The following PRKCZ variants were observed in gnomAD, a reference collection of about 807,000 sequenced individuals.
PRKCZ encodes protein kinase C zeta.
Under a neutral mutation model 79.5 loss-of-function variants are expected in PRKCZ, and 33 were observed. The observed-to-expected ratio is 0.41, with a 90% CI of 0.31 to 0.55. The LOEUF (loss-of-function observed/expected upper bound fraction) is 0.55. Among genes scored for constraint, PRKCZ ranks in the 20% least tolerant of loss-of-function variants. PRKCZ has a pLI of 0.19. For synonymous variants in PRKCZ, 342 were observed against 320.9 expected (o/e 1.07, Z -0.70); for missense variants, 578 against 813.5 (o/e 0.71, Z 3.52).
chr1:2,090,732 G>T (rs1486181258), intron 4 of PRKCZ, among the ~76,000 whole-genome samples: 1 of 152,246 alleles, frequency 6.6e-6, no homozygotes. Context: ...GGCAGCCGGG[G>T]GCGTCTCGGA....
At chr1:2,111,583 G>C (rs1041161133) in intron 4 of PRKCZ, 7 of 152,320 alleles carry the variant, frequency 4.6e-5, no homozygotes, top group African/African-American at 1.7e-4. Flanking sequence ...ATTGGGAGCT[G>C]TCCCCTGCCT....
chr1:2,090,828 T>A (rs1008413454), intron 4 of PRKCZ, among the ~76,000 whole-genome samples: 1 of 152,242 alleles, frequency 6.6e-6, no homozygotes, highest in Non-Finnish European at 1.5e-5. Context: ...GGTTTACTTA[T>A]TTTCAGACTT....
chr1:2,100,911 A>G (rs147485748), intron 4 of PRKCZ, among the ~76,000 whole-genome samples: 1 of 151,692 alleles, frequency 6.6e-6, no homozygotes, highest in Non-Finnish European at 1.5e-5. Flanking sequence ...CTGTCCCTAT[A>G]TGATGTGGTC....
intron 4 of PRKCZ, among the ~76,000 whole-genome samples, chr1:2,064,022 T>G (rs2803289): frequency 0.16 from 24,848 of 152,008 alleles, 5,171 homozygotes; most frequent in African/African-American, 0.47. Flanking sequence ...GTTTTTGTAT[T>G]TTTAGTAGAG....
In PRKCZ at chr1:2,102,539, AG is replaced by A. The variant is rs1557562512; in HGVS notation, c.335-32722del. ...AGTAGAGATGGGGTTTCACTGTGTT[AG>A]CCGGGATGGTCTCGATCTCCTGACC... is the stretch of plus-strand genomic sequence containing the variant. On this transcript the variant is annotated intron_variant, in intron 4 of 17. Coordinates refer to ENST00000378567, the MANE Select transcript of PRKCZ (RefSeq NM_002744.6). Among the ~76,000 whole-genome samples, 109 of 151,830 alleles carry A rather than the reference AG, an allele frequency of 7.2e-4. 1 individual carries two copies. Among genetic ancestry groups the A allele is most frequent in the Non-Finnish European group, 1.3e-4 (9 of 67,936 alleles).
chr1:2,063,322 T>C (rs1660855311), intron 4 of PRKCZ, among the ~76,000 whole-genome samples: 1 of 152,358 alleles, frequency 6.6e-6, no homozygotes, highest in Middle Eastern at 3.4e-3. Flanking sequence ...TTTTTATTCA[T>C]TTATTTTTGA....
intron 4 of PRKCZ, among the ~76,000 whole-genome samples, chr1:2,065,238 G>T (rs1661018272): frequency 6.6e-6 from 1 of 152,160 alleles, no homozygotes. Context: ...ACAACTTTCT[G>T]TGGAAACTTT....
At chr1:2,059,516 C>T in intron 3 of PRKCZ, 25 bp from the exon 4 acceptor site, 1 of 1,613,972 alleles carries the variant, frequency 6.2e-7, no homozygotes. Flanking sequence ...GGTCTTGACG[C>T]TGTCTCTTTC....
At chr1:2,126,646 G>A (rs1164149368) in intron 4 of PRKCZ, among the ~76,000 whole-genome samples, 3 of 152,218 alleles carry the variant, frequency 2.0e-5, no homozygotes, top group African/African-American at 7.2e-5. Context: ...AGCCACCCAT[G>A]AGGGCAGCTG....
At chr1:2,065,326 T>C (rs189484767) in intron 4 of PRKCZ, among the ~76,000 whole-genome samples, 35 of 152,342 alleles carry the variant, frequency 2.3e-4, no homozygotes, top group African/African-American at 8.2e-4. Flanking sequence ...TTGGATGCCT[T>C]GTATTTCTTT....
At chr1:2,099,219 G>T (rs779266066) in intron 4 of PRKCZ, among the ~76,000 whole-genome samples, 1 of 152,274 alleles carries the variant, frequency 6.6e-6, no homozygotes, top group South Asian at 2.1e-4. Flanking sequence ...CAAGTCGCTG[G>T]GATATGAAAT....
In PRKCZ at chr1:2,082,761, G is replaced by T. The variant is rs879373019; in HGVS notation, c.334+23170G>T. 6.8e-6 allele frequency among the ~76,000 whole-genome samples: 1 copy of T among 146,552 alleles called. No individual in the cohort carries two copies. Among genetic ancestry groups the T allele is most frequent in the African/African-American group, 2.5e-5 (1 of 40,482 alleles). On this transcript the variant is annotated intron_variant, in intron 4 of 17. Coordinates refer to ENST00000378567, the MANE Select transcript of PRKCZ (RefSeq NM_002744.6). The surrounding 1 kb of genome is among the most constrained non-coding windows in gnomAD (Gnocchi z 4.4). ...CATTTGTTTTTTTGCCTGAGCGTCC[G>T]GGGGTGGCTTTGAGGACACCTGTCC...
chr1:2,175,587 A>G (rs1193052231), intron 16 of PRKCZ, among the ~76,000 whole-genome samples: 3 of 122,194 alleles, frequency 2.5e-5, no homozygotes, highest in Non-Finnish European at 5.1e-5. Flanking sequence ...TCCAACCCCT[A>G]TAATCTGGTG....
At chr1:2,050,097 A>T (rs1032292038), upstream of PRKCZ, 2 of 151,618 alleles carry the variant, frequency 1.3e-5, no homozygotes, top group African/African-American at 4.9e-5. Flanking sequence ...GTCTGGGCGA[A>T]GGCCGAGAAC....
In PRKCZ at chr1:2,174,368, T is replaced by C. The variant is rs1198709047; in HGVS notation, c.1405+352T>C. Reference sequence around the variant, plus strand: ...AAAACCCACAGCCACCATCATGGGCTCCTTCCCACCTGGAGGCCCCGGGAC... The same window carrying C: ...AAAACCCACAGCCACCATCATGGGCCCCTTCCCACCTGGAGGCCCCGGGAC... On this transcript the variant is annotated intron_variant, in intron 14 of 17. Coordinates refer to ENST00000378567, the MANE Select transcript of PRKCZ (RefSeq NM_002744.6). This position sits in a 1 kb window ranked among gnomAD's most constrained non-coding sequence, Gnocchi z 6.2. Among the ~76,000 whole-genome samples the C allele has an allele frequency of 6.6e-6, 1 of 152,184 alleles. No individual in the cohort carries two copies. Among genetic ancestry groups the C allele is most frequent in the Non-Finnish European group, 1.5e-5 (1 of 68,024 alleles).
At chr1:2,071,253 C>T (rs777937675) in intron 4 of PRKCZ, 1 of 348,322 alleles carries the variant, frequency 2.9e-6, no homozygotes, top group Non-Finnish European at 5.7e-6. Context: ...GCTCCTGGAA[C>T]ATAGTAAGTG....
At chr1:2,086,761 C>A (rs1664602327) in intron 4 of PRKCZ, among the ~76,000 whole-genome samples, 1 of 152,242 alleles carries the variant, frequency 6.6e-6, no homozygotes, top group Admixed American at 6.5e-5. Flanking sequence ...AGGCTCTTCT[C>A]TTCTCCACTT....
At chr1:2,051,542 G>C (rs117390912) in intron 1 of PRKCZ, among the ~76,000 whole-genome samples, 1 of 152,248 alleles carries the variant, frequency 6.6e-6, no homozygotes, top group Admixed American at 6.5e-5. Context: ...TGCAGAGAGG[G>C]AGGGGAGCAG....
rs1159886945 is a variant in PRKCZ, at chr1:2,144,319, C to T, written c.530C>T (p.Pro177Leu). Reference protein sequence around the residue: ...LVHKRCHGLVPLTCRKHMDSV... With the variant: ...LVHKRCHGLVLLTCRKHMDSV... Reference sequence around the variant, plus strand: ...CATAAGCGCTGCCACGGCCTCGTCCCGCTGACCTGCAGGAAGCATATGGTG... The same window carrying T: ...CATAAGCGCTGCCACGGCCTCGTCCTGCTGACCTGCAGGAAGCATATGGTG... Residue 177 changes from proline to leucine, a missense_variant, in exon 6 of 18, where the codon CCG becomes CTG. Transcript: ENST00000378567. 18 of 1,575,480 alleles carry T rather than the reference C, an allele frequency of 1.1e-5. No homozygotes were observed. The highest frequency in any genetic ancestry group is 2.7e-5 in the African/African-American group (2 of 74,570).
Sources: allele counts gnomAD v4.1 joint callset (sites outside exome capture counted in the v4.1 genomes callset), GRCh38; gene constraint gnomAD v4.1.1; non-coding constraint Gnocchi (gnomAD v3.1); transcripts MANE v1.5; gene names NCBI Gene and HGNC (gene_info 2026-07-23, HGNC 2026-07-21).